The following XKR4 variants were observed in gnomAD, a reference collection of about 807,000 sequenced individuals.
XKR4 encodes the protein XK-related protein 4.
A neutral mutation model predicts 53.9 loss-of-function variants in XKR4; 12 were observed. That is an observed-to-expected ratio of 0.22 (90% confidence interval 0.14 to 0.36). The LOEUF (loss-of-function observed/expected upper bound fraction) is 0.36, where lower values mean the gene tolerates loss of function less well. Ranked by LOEUF, XKR4 falls within the 10% of genes least tolerant of loss-of-function variation. XKR4 has a pLI of 1.00. For missense variants in XKR4, 799 were observed against 859.5 expected (o/e 0.93, Z 0.88); for synonymous variants, 354 against 362.4 (o/e 0.98, Z 0.26).
chr8:55,521,270 A>T (rs1042031110), intron 2 of XKR4, among the ~76,000 whole-genome samples: 3 of 152,266 alleles, frequency 2.0e-5, no homozygotes, highest in Non-Finnish European at 2.9e-5. Context: ...CGTCGAAATT[A>T]AAAAAGGCAC....
intron 1 of XKR4, among the ~76,000 whole-genome samples, chr8:55,345,178 C>T (rs1466855961): frequency 1.3e-5 from 2 of 151,916 alleles, no homozygotes; most frequent in Admixed American, 1.3e-4. Flanking sequence ...GGTGTAATCC[C>T]CACTACTTGG....
chr8:55,476,107 A>G (rs1365626896), intron 2 of XKR4, among the ~76,000 whole-genome samples: 1 of 152,022 alleles, frequency 6.6e-6, no homozygotes. Flanking sequence ...TGATATCGGG[A>G]TCACTCACAG....
In XKR4 at chr8:55,541,432, G is replaced by C. The variant is rs1683021726; in HGVS notation, c.*17205G>C. 6.6e-6 allele frequency: 1 copy of C among 151,938 alleles called. No individual in the cohort carries two copies. The highest frequency in any genetic ancestry group is 1.5e-5 in the Non-Finnish European group (1 of 67,998). 9.4% of individuals were successfully genotyped at this position (151,938 alleles called of 1,614,324 possible). ...TAAATCTATCTCTGAAAAAAAAATGGAACAGGTGGCAGGTGAACAGCAAAT... is the reference window on the plus strand; with the variant it reads ...TAAATCTATCTCTGAAAAAAAAATGCAACAGGTGGCAGGTGAACAGCAAAT... On this transcript the variant is annotated 3_prime_UTR_variant, in exon 3 of 3. Transcript: ENST00000327381.
chr8:55,418,217 AG>A (rs1804877365), intron 2 of XKR4, among the ~76,000 whole-genome samples: 1 of 152,070 alleles, frequency 6.6e-6, no homozygotes, highest in African/African-American at 2.4e-5. Context: ...GTACTCATGG[AG>A]GGGGTGTGGA....
intron 1 of XKR4, among the ~76,000 whole-genome samples, chr8:55,113,318 G>A (rs1215743524): frequency 6.6e-6 from 1 of 152,204 alleles, no homozygotes; most frequent in Non-Finnish European, 1.5e-5. Context: ...CTGTTAGCTA[G>A]TGGAAGAAAA....
At chr8:55,203,874 CA>C (rs1466509812) in intron 1 of XKR4, among the ~76,000 whole-genome samples, 1 of 152,164 alleles carries the variant, frequency 6.6e-6, no homozygotes, top group Non-Finnish European at 1.5e-5. Flanking sequence ...GAGCACTTTG[CA>C]GGGCACTATG....
intron 1 of XKR4, among the ~76,000 whole-genome samples, chr8:55,167,566 C>A (rs1186778957): frequency 6.6e-6 from 1 of 152,158 alleles, no homozygotes; most frequent in Non-Finnish European, 1.5e-5. Flanking sequence ...ACTTCGGAAG[C>A]AAGACATGAA....
chr8:55,231,536 C>T (rs1357173883), intron 1 of XKR4, among the ~76,000 whole-genome samples: 1 of 152,068 alleles, frequency 6.6e-6, no homozygotes, highest in Non-Finnish European at 1.5e-5. Flanking sequence ...TTGTTTTTAT[C>T]CCCAGCCTGC....
intron 2 of XKR4, among the ~76,000 whole-genome samples, chr8:55,479,874 C>T (rs1167863322): frequency 1.3e-5 from 2 of 152,078 alleles, no homozygotes; most frequent in Non-Finnish European, 2.9e-5. Context: ...CTGAATAGAC[C>T]AATAACAGGC....
chr8:55,428,248 C>A (rs147967224), intron 2 of XKR4, among the ~76,000 whole-genome samples: 1 of 152,106 alleles, frequency 6.6e-6, no homozygotes, highest in Non-Finnish European at 1.5e-5. Context: ...GGACTTTTGG[C>A]GCCCAATGAT....
rs182231747 is a variant in XKR4 at position 55,472,572 on chromosome 8, A to C, written c.1007-50709A>C. Among the ~76,000 whole-genome samples the C allele has an allele frequency of 5.3e-5, 8 of 152,208 alleles. No homozygotes were observed. In the East Asian group the frequency reaches 1.5e-3, roughly 29 times the overall value. Reference sequence around the variant, plus strand: ...GGAGTGTGGCTGCAGCAGAGGAACCAGCAACAAGGGGGAGAAAAATGGTCA... The same window carrying C: ...GGAGTGTGGCTGCAGCAGAGGAACCCGCAACAAGGGGGAGAAAAATGGTCA... On this transcript the variant is annotated intron_variant, in intron 2 of 2. Transcript: ENST00000327381.
chr8:55,359,268 C>G (rs1382393520), intron 2 of XKR4, among the ~76,000 whole-genome samples: 1 of 152,186 alleles, frequency 6.6e-6, no homozygotes, highest in Non-Finnish European at 1.5e-5. Context: ...GAGGCCTGGG[C>G]TCTGGCTGTC....
At chr8:55,162,104 C>T (rs1256862573) in intron 1 of XKR4, among the ~76,000 whole-genome samples, 1 of 152,176 alleles carries the variant, frequency 6.6e-6, no homozygotes, top group Non-Finnish European at 1.5e-5. Flanking sequence ...TCCAGGAAGC[C>T]CTTCCTAACC....
At chr8:55,400,034 C>T (rs1169837345) in intron 2 of XKR4, among the ~76,000 whole-genome samples, 1 of 152,208 alleles carries the variant, frequency 6.6e-6, no homozygotes, top group African/African-American at 2.4e-5. Context: ...TCAAGGGCAT[C>T]TCTGATGCAT....
chr8:55,194,923 G>GAT, intron 1 of XKR4, among the ~76,000 whole-genome samples: 1 of 152,302 alleles, frequency 6.6e-6, no homozygotes, highest in South Asian at 2.1e-4. Flanking sequence ...GTTGCCAGGT[G>GAT]ATAGATGAGT....
intron 2 of XKR4, among the ~76,000 whole-genome samples, chr8:55,496,912 T>G (rs1806360492): frequency 6.6e-6 from 1 of 152,190 alleles, no homozygotes; most frequent in African/African-American, 2.4e-5. Flanking sequence ...AAAATAACTG[T>G]GTCAAATATC....
chr8:55,521,065 C>T (rs967114254), intron 2 of XKR4: 1 of 152,246 alleles, frequency 6.6e-6, no homozygotes, highest in Admixed American at 6.5e-5. Context: ...CAGTTATCTT[C>T]CTGAAGGCGG....
intron 2 of XKR4, among the ~76,000 whole-genome samples, chr8:55,483,040 A>G (rs1283742823): frequency 6.6e-6 from 1 of 152,214 alleles, no homozygotes; most frequent in Non-Finnish European, 1.5e-5. Context: ...AATGAATATG[A>G]GTGCAAATTG....
intron 1 of XKR4, among the ~76,000 whole-genome samples, chr8:55,330,240 C>A (rs565258782): frequency 2.6e-5 from 4 of 152,264 alleles, no homozygotes; most frequent in African/African-American, 9.6e-5. Context: ...GCATGATAAT[C>A]AAACCTACTT....
Sources: allele counts gnomAD v4.1 joint callset (sites outside exome capture counted in the v4.1 genomes callset), GRCh38; gene constraint gnomAD v4.1.1; transcripts MANE v1.5; gene names NCBI Gene and HGNC (gene_info 2026-07-23, HGNC 2026-07-21).